CRTAC1: variants seen among roughly 807,000 people sequenced by gnomAD.
CRTAC1 encodes acidic secreted protein in cartilage.
A neutral mutation model predicts 67.8 loss-of-function variants in CRTAC1; 37 were observed. That is an observed-to-expected ratio of 0.55 (90% CI 0.42 to 0.72). The LOEUF (loss-of-function observed/expected upper bound fraction) is 0.72, where lower values mean the gene tolerates loss of function less well. CRTAC1 is among the 30% of genes least tolerant of loss of function. The pLI, the probability that CRTAC1 is intolerant of heterozygous loss-of-function variation, is 0.00. For missense variants in CRTAC1, 780 were observed against 931.6 expected, an observed-to-expected ratio of 0.84 and a Z score of 2.12; for synonymous variants, 348 against 371.0, an observed-to-expected ratio of 0.94 and a Z score of 0.71.
intron 2 of CRTAC1, among the ~76,000 whole-genome samples, chr10:97,974,490 C>T (rs1020656356): frequency 3.9e-5 from 6 of 152,192 alleles, no homozygotes; most frequent in African/African-American, 1.4e-4. Context: ...ATTGTGTATC[C>T]AGGACTGGCA....
intron 2 of CRTAC1, among the ~76,000 whole-genome samples, chr10:97,961,873 G>A (rs766268364): frequency 6.6e-6 from 1 of 152,176 alleles, no homozygotes; most frequent in Non-Finnish European, 1.5e-5. Flanking sequence ...CCTTCCTCTA[G>A]GATAAGCACC....
At chr10:97,908,612 C>T (rs1297608356) in intron 5 of CRTAC1, among the ~76,000 whole-genome samples, 1 of 152,190 alleles carries the variant, frequency 6.6e-6, no homozygotes, top group East Asian at 1.9e-4. Flanking sequence ...TAGGTCCCAG[C>T]TATAGGTACG....
intron 14 of CRTAC1, chr10:97,865,955 C>T: frequency 1.9e-6 from 1 of 517,578 alleles, no homozygotes; most frequent in East Asian, 3.2e-5. Context: ...GTCTGGGCCA[C>T]ACAGAGACAG....
chr10:97,989,544 C>G (rs1842396414), intron 2 of CRTAC1, among the ~76,000 whole-genome samples: 1 of 152,184 alleles, frequency 6.6e-6, no homozygotes, highest in Non-Finnish European at 1.5e-5. Context: ...ATCTGTGTAT[C>G]TAAATATAGA....
Position 98,030,422 on chromosome 10 carries a change from G to T in CRTAC1, c.24+27C>A. The T allele has an allele frequency of 8.0e-7, 1 of 1,244,010 alleles. No individual in the cohort carries two copies. The highest frequency in any genetic ancestry group is 1.0e-6 in the Non-Finnish European group (1 of 983,594). 77.1% of individuals were successfully genotyped at this position (1,244,010 alleles called of 1,614,324 possible). On this transcript the variant is annotated intron_variant, in intron 1 of 14. Coordinates refer to ENST00000370597, the MANE Select transcript of CRTAC1 (RefSeq NM_018058.7). The surrounding 1 kb of genome is among the most constrained non-coding windows in gnomAD (Gnocchi z 4.2). ...CTGGAGAAACTTTCTCCGCCTTAGG[G>T]TGGGGGGCACCGGTGCAGATACTCA... is the stretch of plus-strand genomic sequence containing the variant.
At chr10:97,941,906 C>G (rs1348561411) in intron 2 of CRTAC1, among the ~76,000 whole-genome samples, 2 of 152,226 alleles carry the variant, frequency 1.3e-5, no homozygotes, top group Admixed American at 1.3e-4. Flanking sequence ...GGCCTTGGAG[C>G]CCGCATGGTC....
At chr10:97,881,552 C>T (rs979506120) in intron 13 of CRTAC1, among the ~76,000 whole-genome samples, 9 of 152,310 alleles carry the variant, frequency 5.9e-5, no homozygotes, top group Admixed American at 5.9e-4. Context: ...GGCCTACATC[C>T]CCAGCTCCCA....
Position 97,895,877 on chromosome 10 carries a change from T to C in CRTAC1, c.1317+8A>G. Reference sequence around the variant, plus strand: ...CTGGGATCTGTGGCTCCTGAGGTCTTAGCGCACCTGATTGCCCCGGAAGAC... The same window carrying C: ...CTGGGATCTGTGGCTCCTGAGGTCTCAGCGCACCTGATTGCCCCGGAAGAC... On this transcript the variant is annotated splice_region_variant and intron_variant, in intron 10 of 14. Coordinates refer to ENST00000370597, the MANE Select transcript of CRTAC1 (RefSeq NM_018058.7). The surrounding 1 kb of genome is among the most constrained non-coding windows in gnomAD (Gnocchi z 4.2). The C allele has an allele frequency of 6.2e-7, 1 of 1,610,418 alleles. No homozygotes were observed.
At position 98,029,881 on chromosome 10, in the gene CRTAC1, G is replaced by A. The variant is rs541415392; in HGVS notation, c.24+568C>T. The stretch of plus-strand genomic sequence containing the variant: ...CTCGTCCAGCATAAGGCGGCTAGCA[G>A]CTACGCCGCGCGCGGGGCTGGCTCC... On this transcript the variant is annotated intron_variant, in intron 1 of 14. Transcript: ENST00000370597. This position sits in a 1 kb window ranked among gnomAD's most constrained non-coding sequence, Gnocchi z 4.7. Among the ~76,000 whole-genome samples, 1 of 152,312 alleles carries A rather than the reference G, an allele frequency of 6.6e-6. No homozygotes were observed. Among genetic ancestry groups the A allele is most frequent in the African/African-American group, 2.4e-5 (1 of 41,588 alleles).
chr10:97,889,002 C>T (rs2050325415), intron 11 of CRTAC1, among the ~76,000 whole-genome samples: 1 of 152,038 alleles, frequency 6.6e-6, no homozygotes, highest in African/African-American at 2.4e-5. Context: ...TTTCCCTTCC[C>T]TAAATGAGCA....
intron 14 of CRTAC1, chr10:97,878,600 G>C: frequency 7.7e-7 from 1 of 1,302,504 alleles, no homozygotes; most frequent in Non-Finnish European, 1.0e-6. Flanking sequence ...AGCATATTCT[G>C]TGGCGTTACA....
At position 98,029,695 on chromosome 10, in the gene CRTAC1, T is replaced by C. The variant is rs762274066; in HGVS notation, c.24+754A>G. 6.6e-5 allele frequency among the ~76,000 whole-genome samples: 10 copies of C among 152,174 alleles called. No homozygotes were observed. Among genetic ancestry groups the C allele is most frequent in the Non-Finnish European group, 1.5e-4 (10 of 68,026 alleles). On this transcript the variant is annotated intron_variant, in intron 1 of 14. Coordinates refer to ENST00000370597, the MANE Select transcript of CRTAC1 (RefSeq NM_018058.7). This position sits in a 1 kb window ranked among gnomAD's most constrained non-coding sequence, Gnocchi z 4.7. ...GACTAACCAGGGCTCCCAACTACTG[T>C]ACTGCAAAGAAGCGCGCTGCATTGC...
At chr10:97,939,841 T>G (rs1452118745) in intron 2 of CRTAC1, among the ~76,000 whole-genome samples, 1 of 152,152 alleles carries the variant, frequency 6.6e-6, no homozygotes, top group East Asian at 1.9e-4. Flanking sequence ...CTGCTGGATG[T>G]GACCTTCTCT....
chr10:98,024,509 T>C (rs1276143295), intron 1 of CRTAC1, among the ~76,000 whole-genome samples: 1 of 152,122 alleles, frequency 6.6e-6, no homozygotes, highest in Non-Finnish European at 1.5e-5. Context: ...AGGGGGCACA[T>C]ATCCAGCCTC....
intron 11 of CRTAC1, among the ~76,000 whole-genome samples, chr10:97,891,412 G>T (rs2050372175): frequency 6.6e-6 from 1 of 152,200 alleles, no homozygotes; most frequent in African/African-American, 2.4e-5. Context: ...CCCCTTCTAA[G>T]CTCCTACTGT....
chr10:97,905,622 C>T (rs1009666887), intron 6 of CRTAC1, among the ~76,000 whole-genome samples: 1 of 152,230 alleles, frequency 6.6e-6, no homozygotes, highest in African/African-American at 2.4e-5. Flanking sequence ...AGACTCTCTT[C>T]TTGGTTCACC....
chr10:97,876,966 T>C (rs2050155257), intron 14 of CRTAC1, among the ~76,000 whole-genome samples: 1 of 145,026 alleles, frequency 6.9e-6, no homozygotes, highest in Non-Finnish European at 1.5e-5. Flanking sequence ...TTTTTTTTTT[T>C]TTTTTTGGTA....
At chr10:97,944,709 G>A (rs1334570678) in intron 2 of CRTAC1, among the ~76,000 whole-genome samples, 2 of 152,186 alleles carry the variant, frequency 1.3e-5, no homozygotes, top group African/African-American at 2.4e-5. Flanking sequence ...CGGTGGAAGT[G>A]ATGTTGGAGC....
At chr10:97,938,301 G>A (rs1025215167) in intron 2 of CRTAC1, among the ~76,000 whole-genome samples, 2 of 152,198 alleles carry the variant, frequency 1.3e-5, no homozygotes, top group African/African-American at 4.8e-5. Flanking sequence ...GCCTGTGAGG[G>A]CTGAACACGA....
Sources: gnomAD v4.1 joint callset for allele counts (sites outside exome capture counted in the v4.1 genomes callset) on GRCh38, gnomAD v4.1.1 for gene constraint, Gnocchi (gnomAD v3.1) non-coding constraint, MANE v1.5 for transcripts, NCBI Gene and HGNC (gene_info 2026-07-23, HGNC 2026-07-21) for gene names.